Variants in XKRX observed in about 807,000 individuals in gnomAD.
XKRX encodes the protein XK related X-linked.
A neutral mutation model predicts 22.4 loss-of-function variants in XKRX; 11 were observed. The observed-to-expected ratio is 0.49, with a 90% CI of 0.31 to 0.81. XKRX has a LOEUF of 0.81. Ranked by LOEUF, XKRX falls within the 40% of genes least tolerant of loss-of-function variation. The pLI is 0.05. For synonymous variants in XKRX, 114 were observed against 132.2 expected, an observed-to-expected ratio of 0.86 and a Z score of 0.94; for missense variants, 320 against 336.5, an observed-to-expected ratio of 0.95 and a Z score of 0.38.
intron 2 of XKRX, 38 bp from the exon 3 acceptor site, chrX:100,915,121 A>G (rs767896248): frequency 1.2e-5 from 14 of 1,181,486 alleles, no homozygotes; most frequent in Admixed American, 4.6e-5. Flanking sequence ...ACAGGCAATC[A>G]GTCAATGTTG....
At chrX:100,908,274 G>A in the XKRX span, among the ~76,000 whole-genome samples, 1 of 110,208 alleles carries the variant, frequency 9.1e-6, no homozygotes, top group Admixed American at 9.7e-5. Flanking sequence ...GTGCCACCAC[G>A]CCTGGCTAAT....
chrX:100,895,026 C>A, the XKRX span, among the ~76,000 whole-genome samples: 1 of 111,657 alleles, frequency 9.0e-6, no homozygotes, highest in South Asian at 3.8e-4. Context: ...AACTAACCAC[C>A]CCCAGAGTGT....
chrX:100,928,250 G>C lies in XKRX; in HGVS notation c.55C>G (p.Leu19Val). The change falls in exon 1 of 3, where the codon CTG (leucine) becomes GTG (valine). Residue 19 changes from leucine to valine, a missense_variant. By Grantham distance (32) the Leu-to-Val change is conservative. Transcript: ENST00000372956. ...EEPNVDPVSS[L>V]EEDVIRGANP... ...GCTCCACGGATGACATCTTCCTCCAGAGATGAAACCGGATCCACATTTGGC... is the reference window on the plus strand; with the variant it reads ...GCTCCACGGATGACATCTTCCTCCACAGATGAAACCGGATCCACATTTGGC... 1.7e-6 allele frequency: 2 copies of C among 1,211,743 alleles called. No individual in the cohort carries two copies. The highest frequency in any genetic ancestry group is 3.5e-5 in the South Asian group (2 of 56,912).
chrX:100,910,766 A>T, downstream of XKRX: 2 of 769,121 alleles, frequency 2.6e-6, no homozygotes, highest in East Asian at 3.2e-5. Context: ...TATCGTTTGG[A>T]TTACCATGAG....
chrX:100,890,427 G>T, the XKRX span, among the ~76,000 whole-genome samples: 1 of 108,573 alleles, frequency 9.2e-6, no homozygotes, highest in African/African-American at 3.4e-5. Flanking sequence ...AAGTAATTGC[G>T]GTTTTTGCCA....
At chrX:100,917,706 G>A (rs1289708502) in intron 2 of XKRX, among the ~76,000 whole-genome samples, 1 of 105,764 alleles carries the variant, frequency 9.5e-6, no homozygotes, top group African/African-American at 3.5e-5. Flanking sequence ...AAGAAAGAAA[G>A]AAAGAAAGAA....
At chrX:100,916,077 CCACACACACA>C (rs72334101) in intron 2 of XKRX, among the ~76,000 whole-genome samples, 2 of 97,036 alleles carry the variant, frequency 2.1e-5, no homozygotes, top group Non-Finnish European at 4.1e-5. Flanking sequence ...TTAAGTTTTA[CCACACACACA>C]CACACACACA....
Position 100,914,773 on chromosome X carries a change from C to G in XKRX, c.915G>C (p.Arg305=). Residue 305 remains arginine (R), a synonymous_variant, in exon 3 of 3, where the codon CGG becomes CGC. Transcript: ENST00000372956. ...MPNNIEKNFS[R]VGTLVVLISV... ...AAATCAGGACCACCAGAGTGCCGAC[C>G]CGGCTGAAGTTTTTCTCAATGTTAT... 1 of 1,211,418 alleles carries G rather than the reference C, an allele frequency of 8.3e-7. No homozygotes were observed. The highest frequency in any genetic ancestry group is 1.1e-6 in the Non-Finnish European group (1 of 895,506).
the XKRX span, among the ~76,000 whole-genome samples, chrX:100,901,999 GAAA>G: frequency 1.2e-5 from 1 of 84,724 alleles, no homozygotes; most frequent in East Asian, 3.6e-4. Context: ...AACTCCATCT[GAAA>G]AAAAAAAAAA....
At chrX:100,892,422 C>T in the XKRX span, among the ~76,000 whole-genome samples, 7 of 110,545 alleles carry the variant, frequency 6.3e-5, no homozygotes, top group East Asian at 2.0e-3. Context: ...TCCCATGTGC[C>T]CCACAAATAT....
the XKRX span, among the ~76,000 whole-genome samples, chrX:100,937,055 G>C: frequency 2.8e-5 from 3 of 106,964 alleles, no homozygotes; most frequent in African/African-American, 1.0e-4. Flanking sequence ...GCAGTGGCGA[G>C]ATCTCTGCTC....
At chrX:100,931,154 A>T (rs1261860679), upstream of XKRX, among the ~76,000 whole-genome samples, 17 of 46,471 alleles carry the variant, frequency 3.7e-4, no homozygotes, top group African/African-American at 6.6e-4. Flanking sequence ...AATTAAAAAT[A>T]AAAAAAAAAA....
chrX:100,929,218 G>A (rs758829427), upstream of XKRX: 9 of 112,112 alleles, frequency 8.0e-5, no homozygotes, highest in East Asian at 2.0e-3. Context: ...CCAGCTGCGA[G>A]AGGTCGGCAG....
At chrX:100,887,503 C>A in the XKRX span, 2 of 416,469 alleles carry the variant, frequency 4.8e-6, no homozygotes, top group South Asian at 2.9e-5. Flanking sequence ...GAATATTTGT[C>A]TAAAATATGT....
intron 2 of XKRX, among the ~76,000 whole-genome samples, chrX:100,920,675 A>T (rs760636562): frequency 8.7e-4 from 98 of 112,664 alleles, no homozygotes; most frequent in African/African-American, 3.1e-3. Context: ...CACTCCGCAG[A>T]GGTAGTTTCT....
At chrX:100,902,922 T>C in the XKRX span, among the ~76,000 whole-genome samples, 1 of 109,337 alleles carries the variant, frequency 9.1e-6, no homozygotes, top group Non-Finnish European at 1.9e-5. Context: ...GCTATTTTTT[T>C]ACATTTTTAG....
the XKRX span, among the ~76,000 whole-genome samples, chrX:100,907,158 G>A: frequency 4.5e-5 from 5 of 111,358 alleles, no homozygotes; most frequent in African/African-American, 1.6e-4. Context: ...CCTCATCTTA[G>A]ACATTTTATT....
At chrX:100,888,619 G>C in the XKRX span, 426 of 422,865 alleles carry the variant, frequency 1.0e-3, no homozygotes, top group African/African-American at 0.01. Context: ...AGACTTTAAT[G>C]ATGCTTCTTT....
chrX:100,914,988 G>A lies in XKRX; in HGVS notation c.700C>T (p.Arg234Cys), dbSNP rs2085426648. Residue 234 changes from arginine (R) to cysteine (C), a missense_variant, in exon 3 of 3, where the codon CGC (arginine) becomes TGC (cysteine). By Grantham distance (180) the Arg-to-Cys change is radical. Transcript: ENST00000372956. ...IQIKYDDYKIRLGPLEVLCIT... is the reference protein window; with the variant it reads ...IQIKYDDYKICLGPLEVLCIT... Reference sequence around the variant, plus strand: ...CAGAGGACTTCTAGTGGCCCAAGGCGAATCTTGTAGTCATCGTACTTGATC... The same window carrying A: ...CAGAGGACTTCTAGTGGCCCAAGGCAAATCTTGTAGTCATCGTACTTGATC... 7 of 1,211,779 alleles carry A rather than the reference G, an allele frequency of 5.8e-6. No homozygotes were observed. Among genetic ancestry groups the A allele is most frequent in the Non-Finnish European group, 4.5e-6 (4 of 895,536 alleles).
Sources: gnomAD v4.1 joint callset for allele counts (sites outside exome capture counted in the v4.1 genomes callset) on GRCh38, gnomAD v4.1.1 for gene constraint, MANE v1.5 for transcripts, NCBI Gene and HGNC (gene_info 2026-07-23, HGNC 2026-07-21) for gene names.